Variants in CIMIP5 observed in about 807,000 individuals in gnomAD.
The protein encoded by CIMIP5 is uncharacterized protein C2orf50.
chr2:11,144,289 A>G, the CIMIP5 span: 38,180 of 453,418 alleles, frequency 0.084, 8,108 homozygotes, highest in African/African-American at 0.56. Context: ...TTTTACACGT[A>G]AGATTCAGAG....
At chr2:11,141,408 A>G in the CIMIP5 span, among the ~76,000 whole-genome samples, 3 of 151,992 alleles carry the variant, frequency 2.0e-5, no homozygotes, top group Non-Finnish European at 4.4e-5. Flanking sequence ...GATTACAGGC[A>G]TGAGCCACCA....
At chr2:11,140,441 C>A in the CIMIP5 span, 1 of 1,071,562 alleles carries the variant, frequency 9.3e-7, no homozygotes, top group Non-Finnish European at 1.4e-6. Context: ...ATTGACTTGA[C>A]ACAGTGAAAG....
At chr2:11,144,034 ACT>A in the CIMIP5 span, 2 of 1,607,004 alleles carry the variant, frequency 1.2e-6, no homozygotes, top group Non-Finnish European at 1.7e-6. Context: ...CCTGGGACAG[ACT>A]CTCATCCGCA....
At chr2:11,133,709 G>A in the CIMIP5 span, 1 of 1,406,200 alleles carries the variant, frequency 7.1e-7, no homozygotes, top group African/African-American at 1.4e-5. Context: ...AGAGGGCATG[G>A]CATGCCCGGG....
chr2:11,154,306 A>C, the CIMIP5 span, among the ~76,000 whole-genome samples: 1 of 151,414 alleles, frequency 6.6e-6, no homozygotes, highest in Admixed American at 6.6e-5. Context: ...CCTTCTGAAC[A>C]TCCTTTTCTC....
chr2:11,135,667 G>GT, the CIMIP5 span, among the ~76,000 whole-genome samples: 55 of 141,928 alleles, frequency 3.9e-4, no homozygotes, highest in Admixed American at 1.2e-3. Context: ...GGTTTTTTTG[G>GT]TTTTTTTTTT....
At chr2:11,151,763 G>A in the CIMIP5 span, among the ~76,000 whole-genome samples, 233 of 152,352 alleles carry the variant, frequency 1.5e-3, no homozygotes, top group African/African-American at 5.4e-3. Flanking sequence ...AGCCACCAGA[G>A]TAGCTGGGAT....
the CIMIP5 span, chr2:11,133,272 C>T: frequency 1.3e-6 from 2 of 1,504,644 alleles, no homozygotes; most frequent in Admixed American, 4.7e-5. Flanking sequence ...GAGCTGAGCT[C>T]AGGCACAGGT....
the CIMIP5 span, among the ~76,000 whole-genome samples, chr2:11,135,629 C>T: frequency 6.7e-6 from 1 of 149,324 alleles, no homozygotes; most frequent in African/African-American, 2.5e-5. Flanking sequence ...CAGGTTTTTA[C>T]CATGTTGGCC....
chr2:11,144,256 C>T, the CIMIP5 span: 11 of 591,616 alleles, frequency 1.9e-5, no homozygotes, highest in East Asian at 2.6e-4. Flanking sequence ...TCCAGGGGAC[C>T]CAAGGGGTCA....
chr2:11,139,668 G>T, the CIMIP5 span, among the ~76,000 whole-genome samples: 1 of 152,196 alleles, frequency 6.6e-6, no homozygotes, highest in Non-Finnish European at 1.5e-5. Flanking sequence ...TCCTTAGGCA[G>T]CCCCACCATA....
chr2:11,147,054 G>A, the CIMIP5 span, among the ~76,000 whole-genome samples: 1 of 152,210 alleles, frequency 6.6e-6, no homozygotes. Flanking sequence ...AGTGAGGAGG[G>A]CCAGGGACCA....
chr2:11,146,441 TAAAG>T, the CIMIP5 span: 7 of 152,190 alleles, frequency 4.6e-5, no homozygotes, highest in South Asian at 2.1e-4. Context: ...TTTTTCTGCT[TAAAG>T]AAAGTCTCTT....
chr2:11,140,665 C>T, the CIMIP5 span: 6 of 740,450 alleles, frequency 8.1e-6, no homozygotes, highest in Admixed American at 4.9e-5. Flanking sequence ...GGATGTGCAG[C>T]GATGAGTCAA....
At chr2:11,140,734 A>G in the CIMIP5 span, among the ~76,000 whole-genome samples, 1 of 152,218 alleles carries the variant, frequency 6.6e-6, no homozygotes. Context: ...TACATGAAGC[A>G]TTTAGAAATG....
chr2:11,138,964 C>G, the CIMIP5 span, among the ~76,000 whole-genome samples: 3 of 152,038 alleles, frequency 2.0e-5, no homozygotes, highest in South Asian at 6.2e-4. Context: ...GTCACCCAGG[C>G]TGGAGTGCAG....
the CIMIP5 span, chr2:11,144,006 C>A: frequency 6.2e-7 from 1 of 1,607,184 alleles, no homozygotes; most frequent in South Asian, 1.1e-5. Context: ...AGGTTGTGGG[C>A]AGCAGGCTGG....
the CIMIP5 span, among the ~76,000 whole-genome samples, chr2:11,147,431 T>C: frequency 2.6e-5 from 4 of 152,144 alleles, no homozygotes; most frequent in Non-Finnish European, 5.9e-5. Flanking sequence ...TTTGAGTTCT[T>C]TTACAGAGTG....
chr2:11,137,907 G>A, the CIMIP5 span, among the ~76,000 whole-genome samples: 2 of 152,162 alleles, frequency 1.3e-5, no homozygotes, highest in African/African-American at 4.8e-5. Flanking sequence ...GTGCAGTGGT[G>A]CCATCTCGGC....
Sources: allele counts gnomAD v4.1 joint callset (sites outside exome capture counted in the v4.1 genomes callset), GRCh38; gene constraint gnomAD v4.1.1; transcripts MANE v1.5; gene names NCBI Gene and HGNC (gene_info 2026-07-23, HGNC 2026-07-21).